Variants in RBBP8 observed in about 807,000 individuals in gnomAD.
The protein encoded by RBBP8 is RB binding protein 8, endonuclease, also known as DNA endonuclease RBBP8.
A neutral mutation model predicts 108.3 loss-of-function variants in RBBP8; 88 were observed. The ratio of observed to expected loss-of-function variants is 0.81; its 90% confidence interval spans 0.68 to 0.97. The LOEUF is 0.97. RBBP8 is among the 50% of genes least tolerant of loss of function. RBBP8 has a pLI of 0.00. For synonymous variants in RBBP8, 332 were observed against 348.2 expected (o/e 0.95, Z 0.52); for missense variants, 1,023 against 1,049.0 (o/e 0.98, Z 0.34).
At chr18:22,963,365 T>C in intron 4 of RBBP8, among the ~76,000 whole-genome samples, 1 of 152,226 alleles carries the variant, frequency 6.6e-6, no homozygotes, top group East Asian at 1.9e-4. Flanking sequence ...CTGAAACATA[T>C]TGTAAACTGT....
chr18:23,025,746 T>G (rs1281511251), intron 18 of RBBP8, among the ~76,000 whole-genome samples: 1 of 152,202 alleles, frequency 6.6e-6, no homozygotes, highest in Non-Finnish European at 1.5e-5. Context: ...GGAGGCAGAA[T>G]AGGAAAGTGT....
chr18:23,013,217 G>A (rs1397473682), intron 16 of RBBP8, among the ~76,000 whole-genome samples: 2 of 152,108 alleles, frequency 1.3e-5, no homozygotes, highest in East Asian at 1.9e-4. Context: ...TTAGTCAAGT[G>A]GGAGGACTGG....
chr18:22,966,598 T>C (rs1913614287), intron 4 of RBBP8, among the ~76,000 whole-genome samples: 1 of 148,012 alleles, frequency 6.8e-6, no homozygotes, highest in South Asian at 2.2e-4. Context: ...AAAAAGTCTA[T>C]GTTCTTTTAT....
intron 13 of RBBP8, 88 bp from the exon 14 acceptor site, chr18:22,997,532 T>C: frequency 2.4e-6 from 2 of 840,966 alleles, no homozygotes; most frequent in Non-Finnish European, 3.9e-6. Flanking sequence ...ATGTTATGTA[T>C]ATTTTACCAA....
chr18:23,021,336 A>G (rs905356452), intron 17 of RBBP8, among the ~76,000 whole-genome samples: 1 of 152,204 alleles, frequency 6.6e-6, no homozygotes, highest in African/African-American at 2.4e-5. Context: ...AATCACTTGA[A>G]CACAGGAGTG....
intron 18 of RBBP8, among the ~76,000 whole-genome samples, chr18:23,022,651 T>TAAAATAAAAAAAATAA (rs370599195): frequency 1.2e-5 from 1 of 84,370 alleles, no homozygotes; most frequent in Non-Finnish European, 2.3e-5. Flanking sequence ...TAAAATACAA[T>TAAAATAAAAAAAATAA]ATAAAATAAA....
chr18:22,947,570 A>C (rs1307304165), intron 3 of RBBP8, among the ~76,000 whole-genome samples: 1 of 152,132 alleles, frequency 6.6e-6, no homozygotes, highest in African/African-American at 2.4e-5. Flanking sequence ...GCCACCAATT[A>C]GGAAAATGAT....
intron 3 of RBBP8, among the ~76,000 whole-genome samples, chr18:22,925,902 T>C (rs1311790101): frequency 1.3e-5 from 2 of 152,196 alleles, no homozygotes; most frequent in African/African-American, 4.8e-5. Context: ...AAATAAACTT[T>C]TTTACTCTAC....
chr18:23,011,721 G>A (rs2144795966), intron 16 of RBBP8, among the ~76,000 whole-genome samples: 1 of 152,258 alleles, frequency 6.6e-6, no homozygotes, highest in East Asian at 1.9e-4. Flanking sequence ...TCACAGGCGT[G>A]AGCCACCGTG....
intron 1 of RBBP8, among the ~76,000 whole-genome samples, chr18:22,934,576 G>A (rs1910348244): frequency 6.6e-6 from 1 of 151,748 alleles, no homozygotes. Flanking sequence ...ACGACGTGCA[G>A]GTTTGTTACA....
intron 8 of RBBP8, among the ~76,000 whole-genome samples, chr18:22,988,446 C>T (rs183198444): frequency 6.6e-6 from 1 of 152,224 alleles, no homozygotes. Flanking sequence ...TTTCTAGACC[C>T]TTAATTATAC....
At chr18:22,935,424 A>G (rs989136535) in intron 1 of RBBP8, among the ~76,000 whole-genome samples, 35 of 151,576 alleles carry the variant, frequency 2.3e-4, no homozygotes, top group Non-Finnish European at 1.0e-4. Context: ...TATCATACCC[A>G]AGAAAATTAA....
chr18:22,962,555 T>C (rs1490264096), intron 4 of RBBP8, among the ~76,000 whole-genome samples: 2 of 152,028 alleles, frequency 1.3e-5, no homozygotes. Flanking sequence ...TGTTTTTTTT[T>C]CCTTTTTCTT....
chr18:22,953,343 G>A (rs1003196129), intron 4 of RBBP8, among the ~76,000 whole-genome samples: 1 of 152,204 alleles, frequency 6.6e-6, no homozygotes, highest in Non-Finnish European at 1.5e-5. Context: ...GAGACAGTAA[G>A]ATGACTGGCC....
At chr18:22,938,832 TCAGA>T (rs1212956459) in intron 2 of RBBP8, among the ~76,000 whole-genome samples, 2 of 152,206 alleles carry the variant, frequency 1.3e-5, no homozygotes, top group Non-Finnish European at 2.9e-5. Flanking sequence ...CCACTTACCT[TCAGA>T]CAGCCTGCAG....
In RBBP8 at chr18:23,006,562, C is replaced by T. The variant is rs112251301; in HGVS notation, c.2357+130C>T. 4.6e-3 allele frequency: 3,666 copies of T among 789,628 alleles called. 102 individuals are homozygous for T. The African/African-American group carries it at 0.056, about 12-fold the overall frequency. The allele number at this position is 789,628 out of a possible 1,614,324, so 48.9% of individuals were successfully genotyped here. On this transcript the variant is annotated intron_variant, in intron 16 of 18. Coordinates refer to ENST00000327155, the MANE Select transcript of RBBP8 (RefSeq NM_002894.3). ...TGTCACCCAGGCTAGAGTGCAATGG[C>T]GTAAACTCAGCTCACTGCAACCTCT... is the stretch of plus-strand genomic sequence containing the variant.
rs564483157 is a variant in RBBP8 at position 23,001,162 on chromosome 18, C to T, written c.2144-424C>T. 3.9e-5 allele frequency among the ~76,000 whole-genome samples: 6 copies of T among 152,336 alleles called. No individual in the cohort carries two copies. The South Asian group carries it at 1.2e-3, about 32-fold the overall frequency. ...TCACTTATATTCACTGAATTTAACA[C>T]TCTTAACAAGACAGCTTGCAAGTAA... On this transcript the variant is annotated intron_variant, in intron 14 of 18. Transcript: ENST00000327155.
intron 12 of RBBP8, among the ~76,000 whole-genome samples, chr18:22,995,018 C>T (rs1246586539): frequency 1.3e-5 from 2 of 151,532 alleles, no homozygotes; most frequent in African/African-American, 2.4e-5. Flanking sequence ...GAACCACCCA[C>T]GCCCAGCCTG....
intron 17 of RBBP8, among the ~76,000 whole-genome samples, chr18:23,017,422 G>A (rs1455985445): frequency 2.0e-5 from 3 of 151,416 alleles, no homozygotes; most frequent in African/African-American, 7.3e-5. Context: ...GGGAGGCCAA[G>A]GCGGGCGGAT....
Sources: gnomAD v4.1 joint callset for allele counts (sites outside exome capture counted in the v4.1 genomes callset) on GRCh38, gnomAD v4.1.1 for gene constraint, MANE v1.5 for transcripts, NCBI Gene and HGNC (gene_info 2026-07-23, HGNC 2026-07-21) for gene names.